PRICKLE3: variants seen among roughly 807,000 people sequenced by gnomAD.
PRICKLE3 encodes LIM domain only protein 6.
In PRICKLE3, 17 loss-of-function variants were observed where a neutral mutation model predicts 33.8. The ratio of observed to expected loss-of-function variants is 0.50; its 90% confidence interval spans 0.34 to 0.75. The LOEUF is 0.75. Among genes scored for constraint, PRICKLE3 ranks in the 30% least tolerant of loss-of-function variants. PRICKLE3 has a pLI of 0.01. For synonymous variants in PRICKLE3, 211 were observed against 219.6 expected (o/e 0.96, Z 0.34); for missense variants, 573 against 576.7 (o/e 0.99, Z 0.07).
chrX:49,185,303 C>T (rs1415423048), intron 1 of PRICKLE3, among the ~76,000 whole-genome samples: 2 of 111,505 alleles, frequency 1.8e-5, no homozygotes, highest in Non-Finnish European at 3.8e-5. Flanking sequence ...TCTCAGGAGG[C>T]CCCTGCTCCA....
At position 49,176,056 on chromosome X, in the gene PRICKLE3, T is replaced by A. The variant is rs782566478; in HGVS notation, c.1465A>T (p.Thr489Ser). Residue 489 changes from threonine to serine, a missense_variant, in exon 9 of 9, where the codon ACC (threonine) becomes TCC (serine). Physicochemically the swap from Thr to Ser is moderately conservative, Grantham distance 58. Transcript: ENST00000599218. ...PLVSEGGPRRTLSAPPAQRRR... is the reference protein window; with the variant it reads ...PLVSEGGPRRSLSAPPAQRRR... ...CGCTGGGCCGGGGGTGCACTCAGGG[T>A]CCGGCGCGGGCCTCCTTCAGACACC... 1.7e-6 allele frequency: 2 copies of A among 1,203,933 alleles called. No individual in the cohort carries two copies. The highest frequency in any genetic ancestry group is 6.0e-5 in the East Asian group (2 of 33,537).
In PRICKLE3 at chrX:49,175,801, A is replaced by G. The variant is rs1208067853; in HGVS notation, c.1720T>C (p.Leu574=). 2 of 1,211,994 alleles carry G rather than the reference A, an allele frequency of 1.7e-6. No individual in the cohort carries two copies. Among genetic ancestry groups the G allele is most frequent in the Non-Finnish European group, 1.1e-6 (1 of 895,401 alleles). Residue 574 remains leucine, a synonymous_variant, in exon 9 of 9, where the codon TTG becomes CTG. Transcript: ENST00000599218. ...TCCTGAGCAGGCATGGGCCTGCACA[A>G]ATGCGGGGGCAGAGGGATGCGCTCT... is the stretch of plus-strand genomic sequence containing the variant. ...LGERIPLPPH[L]CRPMPAQDTA... is the part of the protein sequence containing the mutation.
rs1194205379 is a variant in PRICKLE3, at chrX:49,181,877, G to A, written c.312+1857C>T. 5.6e-5 allele frequency among the ~76,000 whole-genome samples: 6 copies of A among 106,882 alleles called. No homozygotes were observed. In the East Asian group the frequency reaches 1.5e-3, roughly 26 times the overall value. The allele number at this position is 106,882 out of a possible 115,157, so 92.8% of individuals were successfully genotyped here. A position where few individuals can be genotyped will look rare whatever the true frequency, so the allele number is the denominator to read the frequency against. On this transcript the variant is annotated intron_variant, in intron 3 of 8. Transcript: ENST00000599218. ...TTGGTCAGGCTGGTCTCAAACTCCC[G>A]ACCTCAGGCGATCTGCCTGCCTAGG...
chrX:49,178,391 C>CGAA lies in PRICKLE3; in HGVS notation c.646_648dup (p.Phe216dup). ...AGCAGTTCCTGGCACGTGGTACACA[C>CGAA]GAAGCACTGTGGGTGCCAGCAGGCA... On this transcript the variant is annotated inframe_insertion, in exon 6 of 9. Coordinates refer to ENST00000599218, the MANE Select transcript of PRICKLE3 (RefSeq NM_006150.5). 1 of 1,211,690 alleles carries CGAA rather than the reference C, an allele frequency of 8.3e-7. No homozygotes were observed.
chrX:49,178,126 A>C lies in PRICKLE3; in HGVS notation c.822T>G (p.Asp274Glu), dbSNP rs1202709988. 8.4e-7 allele frequency: 1 copy of C among 1,185,639 alleles called. No individual in the cohort carries two copies. Residue 274 changes from aspartate to glutamate, a missense_variant, in exon 7 of 9, where the codon GAT becomes GAG. Physicochemically the swap from Asp to Glu is conservative, Grantham distance 45. Coordinates refer to ENST00000599218, the MANE Select transcript of PRICKLE3 (RefSeq NM_006150.5). ...CTTCACACTCAAAGCAGCAGAAGTG[A>C]TCCATGTGCCAGTGGCGGCCCTCAG... The part of the protein sequence containing the change: ...TEAEGRHWHM[D>E]HFCCFECEAS...
Position 49,175,859 on chromosome X carries a change from G to A in PRICKLE3, c.1662C>T (p.Ser554=), listed in dbSNP as rs12557970. The A allele has an allele frequency of 0.11, 134,747 of 1,210,341 alleles. 5,833 individuals carry two copies. The highest frequency in any genetic ancestry group is 0.13 in the Non-Finnish European group (112,423 of 895,212). Residue 554 remains serine (S), a synonymous_variant, in exon 9 of 9, where the codon TCC becomes TCT. Coordinates refer to ENST00000599218, the MANE Select transcript of PRICKLE3 (RefSeq NM_006150.5). ...AGAAGCCATCATCCTCTGATGATTC[G>A]GAACTGGAACTGGAGGGCGAGCTGG... ...SCSSSPSSSS[S]ESSEDDGFFL...
Position 49,175,529 on chromosome X carries a change from A to G in PRICKLE3, c.*144T>C. 3 of 579,024 alleles carry G rather than the reference A, an allele frequency of 5.2e-6. No individual in the cohort carries two copies. The South Asian group carries it at 9.2e-5, about 18-fold the overall frequency. The allele number at this position is 579,024 out of a possible 1,213,427, so 47.7% of individuals were successfully genotyped here. A position where few individuals can be genotyped will look rare whatever the true frequency, so the allele number is the denominator to read the frequency against. ...AGGGTAGACCAAGTCTCTAAAACAG[A>G]AACAAAAATAGAAACAAACTGATAA... On this transcript the variant is annotated 3_prime_UTR_variant, in exon 9 of 9. Transcript: ENST00000599218.
chrX:49,176,123 G>T lies in PRICKLE3; in HGVS notation c.1398C>A (p.Phe466Leu), dbSNP rs1339654414. 6.6e-6 allele frequency: 8 copies of T among 1,207,129 alleles called. No homozygotes were observed. The highest frequency in any genetic ancestry group is 8.9e-6 in the Non-Finnish European group (8 of 893,997). ...QPNLRPDDSA[F>L]GRQSTPRVSF... ...TGACGCGTGGGGTGCTCTGACGACC[G>T]AAGGCACTATCATCTGGGCGCAGGT... The change falls in exon 9 of 9, where the codon TTC (phenylalanine) becomes TTA (leucine). Residue 466 changes from phenylalanine (F) to leucine (L), a missense_variant. Transcript: ENST00000599218.
chrX:49,176,328 G>A, intron 8 of PRICKLE3, 63 bp from the exon 9 acceptor site: 2 of 890,732 alleles, frequency 2.2e-6, no homozygotes, highest in Non-Finnish European at 1.5e-6. Flanking sequence ...CTCCTAAGAG[G>A]AGGCCTGCGG....
At chrX:49,177,261 C>T in intron 7 of PRICKLE3, 59 bp from the exon 8 acceptor site, 1 of 1,040,901 alleles carries the variant, frequency 9.6e-7, no homozygotes, top group Non-Finnish European at 1.3e-6. Flanking sequence ...AACCCCACCC[C>T]TCGTGAACGA....
At position 49,178,381 on chromosome X, in the gene PRICKLE3, G is replaced by A. The variant is rs201345474; in HGVS notation, c.659C>T (p.Thr220Met). The change falls in exon 6 of 9, where the codon ACG becomes ATG. Residue 220 changes from threonine (T) to methionine (M), a missense_variant. Physicochemically the swap from Thr to Met is moderately conservative, Grantham distance 81. Transcript: ENST00000599218. ...CWHPQCFVCTTCQELLVDLIY... is the reference protein window; with the variant it reads ...CWHPQCFVCTMCQELLVDLIY... ...GAGGTCAACCAGCAGTTCCTGGCAC[G>A]TGGTACACACGAAGCACTGTGGGTG... 12 of 1,210,363 alleles carry A rather than the reference G, an allele frequency of 9.9e-6. No homozygotes were observed. Among genetic ancestry groups the A allele is most frequent in the African/African-American group, 6.9e-5 (4 of 57,562 alleles).
chrX:49,178,573 A>G, intron 5 of PRICKLE3, 98 bp from the exon 6 acceptor site: 1 of 878,082 alleles, frequency 1.1e-6, no homozygotes. Context: ...GGCCTTTCCC[A>G]CAGTGAAACT....
rs782189446 is a variant in PRICKLE3, at chrX:49,177,210, G to A, written c.956-8C>T. 6 of 1,137,745 alleles carry A rather than the reference G, an allele frequency of 5.3e-6. No homozygotes were observed. In the South Asian group the frequency reaches 1.2e-4, roughly 24 times the overall value. 93.8% of individuals were successfully genotyped at this position (1,137,745 alleles called of 1,213,427 possible). A position where few individuals can be genotyped will look rare whatever the true frequency, so the allele number is the denominator to read the frequency against. On this transcript the variant is annotated splice_polypyrimidine_tract_variant and splice_region_variant and intron_variant, in intron 7 of 8. Coordinates refer to ENST00000599218, the MANE Select transcript of PRICKLE3 (RefSeq NM_006150.5). ...TCTGGCCTTGGTCCAGGCCTGTGGG[G>A]AACGACGAGGGGGAAAAACTGAGGC...
chrX:49,176,044 G>T lies in PRICKLE3; in HGVS notation c.1477C>A (p.Pro493Thr), dbSNP rs1471900084. ...EGGPRRTLSA[P>T]PAQRRRPRSP... ...CGTGGCCTGCGGCGCTGGGCCGGGG[G>T]TGCACTCAGGGTCCGGCGCGGGCCT... Residue 493 changes from proline to threonine, a missense_variant, in exon 9 of 9, where the codon CCC (proline) becomes ACC (threonine). Coordinates refer to ENST00000599218, the MANE Select transcript of PRICKLE3 (RefSeq NM_006150.5). 1 of 1,206,203 alleles carries T rather than the reference G, an allele frequency of 8.3e-7. No individual in the cohort carries two copies. Among genetic ancestry groups the T allele is most frequent in the Non-Finnish European group, 1.1e-6 (1 of 893,645 alleles).
chrX:49,179,663 G>C (rs1557100699), intron 4 of PRICKLE3, 30 bp downstream of exon 4: 1 of 1,078,761 alleles, frequency 9.3e-7, no homozygotes, highest in East Asian at 3.2e-5. Context: ...GCTGTGCCTG[G>C]CATGCCCTTC....
chrX:49,178,152 C>T lies in PRICKLE3; in HGVS notation c.796G>A (p.Ala266Thr). 1 of 1,180,990 alleles carries T rather than the reference C, an allele frequency of 8.5e-7. No individual in the cohort carries two copies. The highest frequency in any genetic ancestry group is 1.1e-6 in the Non-Finnish European group (1 of 877,771). Reference sequence around the variant, plus strand: ...TCCATGTGCCAGTGGCGGCCCTCAGCCTCCGTGCACTCAGGGGAGAAGATG... The same window carrying T: ...TCCATGTGCCAGTGGCGGCCCTCAGTCTCCGTGCACTCAGGGGAGAAGATG... ...EIIFSPECTE[A>T]EGRHWHMDHF... The change falls in exon 7 of 9, where the codon GCT (alanine) becomes ACT (threonine). Residue 266 changes from alanine (A) to threonine (T), a missense_variant. By Grantham distance (58) the Ala-to-Thr change is moderately conservative (BLOSUM62 0). Coordinates refer to ENST00000599218, the MANE Select transcript of PRICKLE3 (RefSeq NM_006150.5).
chrX:49,176,119 G>T lies in PRICKLE3; in HGVS notation c.1402C>A (p.Arg468Ser). Reference sequence around the variant, plus strand: ...AAGCTGACGCGTGGGGTGCTCTGACGACCGAAGGCACTATCATCTGGGCGC... The same window carrying T: ...AAGCTGACGCGTGGGGTGCTCTGACTACCGAAGGCACTATCATCTGGGCGC... Reference protein sequence around the residue: ...NLRPDDSAFGRQSTPRVSFRD... With the variant: ...NLRPDDSAFGSQSTPRVSFRD... The change falls in exon 9 of 9, where the codon CGT becomes AGT. Residue 468 changes from arginine (R) to serine (S), a missense_variant. Transcript: ENST00000599218. 1.7e-6 allele frequency: 2 copies of T among 1,207,038 alleles called. No individual in the cohort carries two copies. The highest frequency in any genetic ancestry group is 2.2e-6 in the Non-Finnish European group (2 of 894,047).
At chrX:49,179,869 A>G in intron 3 of PRICKLE3, 63 bp from the exon 4 acceptor site, 1 of 609,424 alleles carries the variant, frequency 1.6e-6, no homozygotes, top group East Asian at 3.6e-5. Context: ...ATGCAGTGAG[A>G]TGGCGGGTCC....
intron 3 of PRICKLE3, among the ~76,000 whole-genome samples, chrX:49,182,327 T>C (rs2065461143): frequency 1.8e-5 from 2 of 111,557 alleles, no homozygotes; most frequent in Non-Finnish European, 3.8e-5. Flanking sequence ...GGTTCCTCAC[T>C]GGTCTCCTGA....
Sources: allele counts gnomAD v4.1 joint callset (sites outside exome capture counted in the v4.1 genomes callset), GRCh38; gene constraint gnomAD v4.1.1; transcripts MANE v1.5; gene names NCBI Gene and HGNC (gene_info 2026-07-23, HGNC 2026-07-21).